The following PDK1 variants were observed in gnomAD, a reference collection of about 807,000 sequenced individuals.
PDK1 encodes the protein [Pyruvate dehydrogenase (acetyl-transferring)] kinase isozyme 1, mitochondrial.
A neutral mutation model predicts 54.2 loss-of-function variants in PDK1; 39 were observed. That is an observed-to-expected ratio of 0.72 (90% CI 0.56 to 0.94). The LOEUF is 0.94. PDK1 is among the 40% of genes least tolerant of loss of function. The probability of loss-of-function intolerance (pLI) is 0.00; values close to 1 mark genes in which losing one functional copy is unlikely to be tolerated. For synonymous variants in PDK1, 221 were observed against 207.1 expected, an observed-to-expected ratio of 1.07 and a Z score of -0.58; for missense variants, 552 against 566.0, an observed-to-expected ratio of 0.98 and a Z score of 0.25.
chr2:172,616,946 GTTATT>G, the PDK1 span, among the ~76,000 whole-genome samples: 8 of 151,870 alleles, frequency 5.3e-5, no homozygotes, highest in South Asian at 6.2e-4. Context: ...ATAATGATTG[GTTATT>G]TTATTTTATT....
In PDK1 at chr2:172,608,287, T is replaced by C. The variant is rs1362595435; in HGVS notation, c.*12318T>C. ...CATTGATCAAAGAAAAATAAACATA[T>C]AGAAGGAAAGAAAGGTCGTTTTAGT... On this transcript the variant is annotated 3_prime_UTR_variant, in exon 11 of 11. Coordinates refer to ENST00000282077, the MANE Select transcript of PDK1 (RefSeq NM_002610.5). 2 of 152,264 alleles carry C rather than the reference T, an allele frequency of 1.3e-5. No homozygotes were observed. Among genetic ancestry groups the C allele is most frequent in the Non-Finnish European group, 2.9e-5 (2 of 68,026 alleles). 9.4% of individuals were successfully genotyped at this position (152,264 alleles called of 1,614,324 possible).
At chr2:172,616,413 CA>C in the PDK1 span, among the ~76,000 whole-genome samples, 1 of 152,124 alleles carries the variant, frequency 6.6e-6, no homozygotes, top group South Asian at 2.1e-4. Flanking sequence ...CTTAGGAACA[CA>C]ATTTTGAGTG....
chr2:172,616,527 G>T, the PDK1 span, among the ~76,000 whole-genome samples: 4 of 152,070 alleles, frequency 2.6e-5, no homozygotes, highest in Non-Finnish European at 4.4e-5. Flanking sequence ...TACGTTTTTT[G>T]AAAGGTGAGG....
chr2:172,574,444 AT>A (rs1460951450), intron 8 of PDK1, among the ~76,000 whole-genome samples: 3 of 152,078 alleles, frequency 2.0e-5, no homozygotes, highest in African/African-American at 7.2e-5. Flanking sequence ...CAGCTTGTCA[AT>A]TTCTGCAAAA....
At chr2:172,698,819 A>G in the PDK1 span, among the ~76,000 whole-genome samples, 1 of 152,188 alleles carries the variant, frequency 6.6e-6, no homozygotes, top group Non-Finnish European at 1.5e-5. Context: ...TCCCAAGACC[A>G]AGTAAATGAG....
At chr2:172,686,807 C>T in the PDK1 span, among the ~76,000 whole-genome samples, 1 of 152,224 alleles carries the variant, frequency 6.6e-6, no homozygotes, top group African/African-American at 2.4e-5. Context: ...CCGGACACAT[C>T]TTGATCTAAA....
At chr2:172,636,995 C>CT in the PDK1 span, among the ~76,000 whole-genome samples, 3 of 152,312 alleles carry the variant, frequency 2.0e-5, no homozygotes, top group South Asian at 6.2e-4. Flanking sequence ...TACTCCAGAA[C>CT]TTAAGTTCCC....
downstream of PDK1, among the ~76,000 whole-genome samples, chr2:172,612,900 TCCGC>T (rs1691507547): frequency 6.6e-6 from 1 of 152,154 alleles, no homozygotes; most frequent in Admixed American, 6.5e-5. Context: ...CCTCAGGTGA[TCCGC>T]CCACCTCGGC....
At chr2:172,616,054 A>G in the PDK1 span, among the ~76,000 whole-genome samples, 1 of 152,222 alleles carries the variant, frequency 6.6e-6, no homozygotes, top group Non-Finnish European at 1.5e-5. Context: ...GTACAAATTA[A>G]GACCACATTG....
At chr2:172,724,222 A>T in the PDK1 span, 2 of 152,132 alleles carry the variant, frequency 1.3e-5, no homozygotes, top group African/African-American at 4.8e-5. Context: ...ATTTATGGAG[A>T]ATTTGAAACA....
the PDK1 span, among the ~76,000 whole-genome samples, chr2:172,686,665 GCTGCTGCTCACTGT>G: frequency 6.6e-6 from 1 of 152,194 alleles, no homozygotes; most frequent in Non-Finnish European, 1.5e-5. Flanking sequence ...AATAAATCTT[GCTGCTGCTCACTGT>G]CTGCTGCTCA....
At chr2:172,567,074 A>T (rs1225652291) in intron 6 of PDK1, 141 bp downstream of exon 6, 5 of 492,418 alleles carry the variant, frequency 1.0e-5, no homozygotes, top group Non-Finnish European at 1.4e-5. Flanking sequence ...TCATGTAAAA[A>T]ATATATCTAT....
chr2:172,569,714 T>C (rs1689143477), intron 7 of PDK1, among the ~76,000 whole-genome samples: 1 of 152,198 alleles, frequency 6.6e-6, no homozygotes, highest in African/African-American at 2.4e-5. Flanking sequence ...TTTTAAAATA[T>C]TTATTTTATT....
rs926481053 is a variant in PDK1, at chr2:172,596,232, A to G, written c.*263A>G. ...TTTGGGCAACTTTTCACTTTGTGGT[A>G]GACTTCAGAAGTGTGGAAATCTTCG... On this transcript the variant is annotated 3_prime_UTR_variant, in exon 11 of 11. Coordinates refer to ENST00000282077, the MANE Select transcript of PDK1 (RefSeq NM_002610.5). 1.2e-5 allele frequency: 3 copies of G among 259,394 alleles called. No homozygotes were observed. The highest frequency in any genetic ancestry group is 2.2e-5 in the Non-Finnish European group (3 of 138,010). 16.1% of individuals were successfully genotyped at this position (259,394 alleles called of 1,614,324 possible).
chr2:172,720,424 T>C, the PDK1 span, among the ~76,000 whole-genome samples: 1 of 152,176 alleles, frequency 6.6e-6, no homozygotes, highest in Non-Finnish European at 1.5e-5. Context: ...TGAGATTTTC[T>C]CAATGTTGCT....
chr2:172,671,367 ATAAT>A, the PDK1 span, among the ~76,000 whole-genome samples: 4 of 151,258 alleles, frequency 2.6e-5, no homozygotes, highest in African/African-American at 9.7e-5. Context: ...ATATGAATAA[ATAAT>A]ATATATATCA....
intron 8 of PDK1, among the ~76,000 whole-genome samples, chr2:172,572,912 A>G (rs1260431099): frequency 1.3e-5 from 2 of 152,152 alleles, no homozygotes; most frequent in Non-Finnish European, 2.9e-5. Flanking sequence ...ATAATGTTAT[A>G]GTATGCATTT....
At chr2:172,609,524 A>G (rs1691397255), downstream of PDK1, among the ~76,000 whole-genome samples, 1 of 152,236 alleles carries the variant, frequency 6.6e-6, no homozygotes, top group African/African-American at 2.4e-5. Context: ...TGCAGGCACA[A>G]AGCTATCCAC....
At chr2:172,570,410 T>G (rs1689180874) in intron 7 of PDK1, among the ~76,000 whole-genome samples, 1 of 152,250 alleles carries the variant, frequency 6.6e-6, no homozygotes, top group Non-Finnish European at 1.5e-5. Context: ...CAAAAATGTT[T>G]TGCCCATCAT....
Sources: gnomAD v4.1 joint callset for allele counts (sites outside exome capture counted in the v4.1 genomes callset) on GRCh38, gnomAD v4.1.1 for gene constraint, MANE v1.5 for transcripts, NCBI Gene and HGNC (gene_info 2026-07-23, HGNC 2026-07-21) for gene names.